HMGA2: variants seen among roughly 807,000 people sequenced by gnomAD.
HMGA2 encodes the protein high mobility group protein HMGI-C.
A neutral mutation model predicts 19.1 loss-of-function variants in HMGA2; 8 were observed. That is an observed-to-expected ratio of 0.42 (90% confidence interval 0.25 to 0.76). HMGA2 has a LOEUF of 0.76. HMGA2 is among the 30% of genes least tolerant of loss of function. The pLI is 0.28. For missense variants in HMGA2, 109 were observed against 136.3 expected (o/e 0.80, Z 1.00); for synonymous variants, 60 against 48.8 (o/e 1.23, Z -0.96).
intron 2 of HMGA2, among the ~76,000 whole-genome samples, chr12:65,836,561 A>C (rs887251355): frequency 2.0e-5 from 3 of 152,152 alleles, no homozygotes; most frequent in African/African-American, 7.2e-5. Flanking sequence ...ATAAAGCTAA[A>C]ATGGAAGAGC....
intron 3 of HMGA2, chr12:65,915,372 C>T (rs981475882): frequency 1.2e-5 from 16 of 1,321,378 alleles, no homozygotes; most frequent in East Asian, 3.2e-5. Context: ...AAAGTACTCA[C>T]TCTAGGCACA....
chr12:65,830,077 T>G (rs1281049523), intron 2 of HMGA2, among the ~76,000 whole-genome samples: 1 of 152,024 alleles, frequency 6.6e-6, no homozygotes, highest in African/African-American at 2.4e-5. Flanking sequence ...TACAATGGTG[T>G]TATAAAAATC....
At chr12:65,900,463 C>G (rs535908963) in intron 3 of HMGA2, among the ~76,000 whole-genome samples, 3 of 152,192 alleles carry the variant, frequency 2.0e-5, no homozygotes, top group Admixed American at 6.5e-5. Context: ...CAGAACTTAA[C>G]CAGACCTAAA....
chr12:65,910,774 GTTTTC>G (rs1874810352), intron 3 of HMGA2, among the ~76,000 whole-genome samples: 1 of 152,028 alleles, frequency 6.6e-6, no homozygotes, highest in Non-Finnish European at 1.5e-5. Flanking sequence ...CATATCCATA[GTTTTC>G]TTTTGGTTTC....
At chr12:65,932,478 C>T (rs1209769961) in intron 3 of HMGA2, among the ~76,000 whole-genome samples, 2 of 152,126 alleles carry the variant, frequency 1.3e-5, no homozygotes, top group Non-Finnish European at 2.9e-5. Context: ...ATGTACCCAC[C>T]CTGGTGCTTG....
intron 3 of HMGA2, among the ~76,000 whole-genome samples, chr12:65,945,100 G>T (rs930983160): frequency 6.6e-6 from 1 of 151,888 alleles, no homozygotes; most frequent in African/African-American, 2.4e-5. Context: ...GGCCTCAGGG[G>T]CATCCTGGGA....
chr12:65,941,914 G>C (rs1056998313), intron 3 of HMGA2, among the ~76,000 whole-genome samples: 1 of 152,146 alleles, frequency 6.6e-6, no homozygotes, highest in Non-Finnish European at 1.5e-5. Context: ...AAGCATACAA[G>C]AAAAGATATA....
Position 65,838,658 on chromosome 12 carries a change from T to G in HMGA2, c.249+89T>G, listed in dbSNP as rs559482563. The G allele has an allele frequency of 5.4e-6, 5 of 922,648 alleles. No homozygotes were observed. The African/African-American group carries it at 8.3e-5, about 15-fold the overall frequency. The allele number at this position is 922,648 out of a possible 1,614,324, so 57.2% of individuals were successfully genotyped here. A position where few individuals can be genotyped will look rare whatever the true frequency, so the allele number is the denominator to read the frequency against. ...GAAAAGTTTTATTTCGTCGATTACATGAATTTCCAACTTCTGGTTTGATGA... is the reference window on the plus strand; with the variant it reads ...GAAAAGTTTTATTTCGTCGATTACAGGAATTTCCAACTTCTGGTTTGATGA... On this transcript the variant is annotated intron_variant, in intron 3 of 4. Transcript: ENST00000403681.
intron 3 of HMGA2, among the ~76,000 whole-genome samples, chr12:65,900,015 C>G (rs7958929): frequency 0.25 from 37,559 of 152,120 alleles, 6,043 homozygotes; most frequent in African/African-American, 0.45. Flanking sequence ...ATATTTTGTA[C>G]TTTTAAAATC....
At chr12:65,850,276 G>C (rs1467045738) in intron 3 of HMGA2, among the ~76,000 whole-genome samples, 7 of 152,078 alleles carry the variant, frequency 4.6e-5, no homozygotes, top group Admixed American at 1.3e-4. Context: ...CAACTGTTAA[G>C]ACCTATGGGA....
chr12:65,933,452 T>A (rs1475990738), intron 3 of HMGA2, among the ~76,000 whole-genome samples: 1 of 152,226 alleles, frequency 6.6e-6, no homozygotes, highest in East Asian at 1.9e-4. Context: ...AAAGCACCCC[T>A]TTAATTTATC....
chr12:65,833,655 G>C (rs1287214722), intron 2 of HMGA2, among the ~76,000 whole-genome samples: 3 of 152,010 alleles, frequency 2.0e-5, no homozygotes, highest in African/African-American at 7.2e-5. Context: ...ACCCTAGAAG[G>C]TTATCTTTTA....
At position 65,963,781 on chromosome 12, in the gene HMGA2, G is replaced by T. The variant is rs766831309; in HGVS notation, c.*489G>T. 82 of 246,508 alleles carry T rather than the reference G, an allele frequency of 3.3e-4. No individual in the cohort carries two copies. Among genetic ancestry groups the T allele is most frequent in the Middle Eastern group, 1.2e-3 (1 of 866 alleles). The allele number at this position is 246,508 out of a possible 1,614,324, so 15.3% of individuals were successfully genotyped here. ...ATACCACCCCAACCCACTCCCTGTAGTGAATCCTCTGTTTAGAACACCAAA... is the reference window on the plus strand; with the variant it reads ...ATACCACCCCAACCCACTCCCTGTATTGAATCCTCTGTTTAGAACACCAAA... On this transcript the variant is annotated 3_prime_UTR_variant, in exon 5 of 5. Transcript: ENST00000403681.
intron 3 of HMGA2, among the ~76,000 whole-genome samples, chr12:65,898,942 G>T (rs1874252489): frequency 6.6e-6 from 1 of 151,388 alleles, no homozygotes; most frequent in South Asian, 2.1e-4. Context: ...TACTCGAGAG[G>T]CTGAGGCAGG....
At chr12:65,826,595 G>A (rs1384495005) in intron 1 of HMGA2, 1 of 152,108 alleles carries the variant, frequency 6.6e-6, no homozygotes, top group Admixed American at 6.5e-5. Context: ...AAAATTGAGA[G>A]TTGTACCTTT....
At chr12:65,839,741 T>A (rs2120879080) in intron 3 of HMGA2, among the ~76,000 whole-genome samples, 1 of 152,318 alleles carries the variant, frequency 6.6e-6, no homozygotes, top group African/African-American at 2.4e-5. Context: ...AAATTAGTTC[T>A]CTCCAAACCT....
chr12:65,915,072 C>A, intron 3 of HMGA2: 3 of 1,613,722 alleles, frequency 1.9e-6, no homozygotes, highest in Non-Finnish European at 2.5e-6. Flanking sequence ...AATCTACTAC[C>A]AAGAACCAGC....
chr12:65,834,162 G>A (rs188828653), intron 2 of HMGA2, among the ~76,000 whole-genome samples: 30 of 152,298 alleles, frequency 2.0e-4, no homozygotes, highest in Admixed American at 5.2e-4. Flanking sequence ...CCACTACCAT[G>A]TGCTGAATGT....
At chr12:65,865,264 C>T (rs1332868907) in intron 3 of HMGA2, among the ~76,000 whole-genome samples, 2 of 152,132 alleles carry the variant, frequency 1.3e-5, no homozygotes, top group African/African-American at 4.8e-5. Flanking sequence ...TTTGTGGAGT[C>T]AAAAGTTTTG....
Sources: allele counts gnomAD v4.1 joint callset (sites outside exome capture counted in the v4.1 genomes callset), GRCh38; gene constraint gnomAD v4.1.1; transcripts MANE v1.5; gene names NCBI Gene and HGNC (gene_info 2026-07-23, HGNC 2026-07-21).